Variants in KCND3 observed in about 807,000 individuals in gnomAD.
KCND3 encodes potassium voltage-gated channel subfamily D member 3.
KCND3 carries 9 observed loss-of-function variants against 51.1 expected under a neutral mutation model. The ratio of observed to expected loss-of-function variants is 0.18; its 90% CI spans 0.11 to 0.31. KCND3 has a LOEUF of 0.31. KCND3 is among the 10% of genes least tolerant of loss of function. The pLI is 1.00. For missense variants in KCND3, 526 were observed against 903.8 expected, an observed-to-expected ratio of 0.58 and a Z score of 5.36; for synonymous variants, 349 against 368.0, an observed-to-expected ratio of 0.95 and a Z score of 0.59.
intron 2 of KCND3, among the ~76,000 whole-genome samples, chr1:111,809,294 G>A (rs1321170997): frequency 7.0e-6 from 1 of 143,334 alleles, no homozygotes; most frequent in East Asian, 2.2e-4. Context: ...TGTTTCAACA[G>A]CGGAAGATTA....
At chr1:111,777,397 G>C in intron 6 of KCND3, 124 bp from the exon 7 acceptor site, 1 of 1,017,066 alleles carries the variant, frequency 9.8e-7, no homozygotes, top group Non-Finnish European at 1.5e-6. Context: ...CAGCTGCCCG[G>C]ATCACAGATA....
Position 111,982,560 on chromosome 1 carries a change from G to C in KCND3, c.167C>G (p.Thr56Ser), listed in dbSNP as rs775223510. 1.6e-5 allele frequency: 25 copies of C among 1,611,174 alleles called. No homozygotes were observed. Among genetic ancestry groups the C allele is most frequent in the Non-Finnish European group, 2.0e-5 (23 of 1,177,696 alleles). Reference sequence around the variant, plus strand: ...GGTGTCCGGGTAGCGCTCCAGCGTGGTCCTCCAGGTCTGGAACCTCCGCCC... The same window carrying C: ...GGTGTCCGGGTAGCGCTCCAGCGTGCTCCTCCAGGTCTGGAACCTCCGCCC... ...VSGRRFQTWR[T>S]TLERYPDTLL... is the part of the protein sequence containing the mutation. Residue 56 changes from threonine (T) to serine (S), a missense_variant, in exon 2 of 8, where the codon ACC becomes AGC. Physicochemically the swap from Thr to Ser is moderately conservative, Grantham distance 58. Coordinates refer to ENST00000302127, the MANE Select transcript of KCND3 (RefSeq NM_001378969.1). The surrounding 1 kb of genome is among the most constrained non-coding windows in gnomAD (Gnocchi z 8.5).
Position 111,893,903 on chromosome 1 carries a change from G to C in KCND3, c.1106+87718C>G, listed in dbSNP as rs146733987. Among the ~76,000 whole-genome samples, 469 of 152,256 alleles carry C rather than the reference G, an allele frequency of 3.1e-3. 5 individuals carry two copies. The highest frequency in any genetic ancestry group is 0.011 in the African/African-American group (448 of 41,530). Reference sequence around the variant, plus strand: ...AGGTTTGAGTTCCCTGCAGTTTGAGGGAGAGGGGAGGACAGAAGAGAAGAA... The same window carrying C: ...AGGTTTGAGTTCCCTGCAGTTTGAGCGAGAGGGGAGGACAGAAGAGAAGAA... On this transcript the variant is annotated intron_variant, in intron 2 of 7. Transcript: ENST00000302127.
Position 111,921,941 on chromosome 1 carries a change from T to C in KCND3, c.1106+59680A>G, listed in dbSNP as rs115979627. On this transcript the variant is annotated intron_variant, in intron 2 of 7. Coordinates refer to ENST00000302127, the MANE Select transcript of KCND3 (RefSeq NM_001378969.1). ...GATGCCTAAATATTAGCTATCCCAG[T>C]GGTAGGGATAACAAGAAAATGCTTA... Among the ~76,000 whole-genome samples the C allele has an allele frequency of 8.6e-3, 1,311 of 152,246 alleles. 10 individuals carry two copies. Among genetic ancestry groups the C allele is most frequent in the Non-Finnish European group, 0.015 (1,000 of 68,022 alleles).
chr1:111,829,175 C>A (rs1666716135), intron 2 of KCND3, among the ~76,000 whole-genome samples: 5 of 152,132 alleles, frequency 3.3e-5, no homozygotes, highest in Admixed American at 3.3e-4. Context: ...AGAGGACGAA[C>A]AATTATGTCT....
chr1:111,907,092 C>T (rs1339685290), intron 2 of KCND3, among the ~76,000 whole-genome samples: 2 of 152,192 alleles, frequency 1.3e-5, no homozygotes, highest in East Asian at 1.9e-4. Context: ...CCTGTTCCCT[C>T]GTGTTCAGCC....
At chr1:111,790,776 G>A (rs1031883048) in intron 2 of KCND3, among the ~76,000 whole-genome samples, 33 of 152,090 alleles carry the variant, frequency 2.2e-4, no homozygotes, top group Non-Finnish European at 1.6e-4. Flanking sequence ...TCTACTTTCC[G>A]TCTCTATAGA....
At chr1:111,940,189 A>G (rs976082168) in intron 2 of KCND3, among the ~76,000 whole-genome samples, 2 of 133,686 alleles carry the variant, frequency 1.5e-5, no homozygotes, top group African/African-American at 2.9e-5. Context: ...ATTCTTTCTG[A>G]TGATAGTTTT....
At chr1:111,806,119 G>T (rs1208159931) in intron 2 of KCND3, among the ~76,000 whole-genome samples, 1 of 152,148 alleles carries the variant, frequency 6.6e-6, no homozygotes, top group Non-Finnish European at 1.5e-5. Flanking sequence ...CAGATGCTGG[G>T]TCCTCACCTG....
intron 2 of KCND3, among the ~76,000 whole-genome samples, chr1:111,951,536 C>G (rs558605802): frequency 1.3e-5 from 2 of 152,272 alleles, no homozygotes; most frequent in East Asian, 3.9e-4. Context: ...ATGGGAACAA[C>G]TAAGGGATGA....
Position 111,876,922 on chromosome 1 carries a change from G to A in KCND3, c.1107-89816C>T, listed in dbSNP as rs148746306. On this transcript the variant is annotated intron_variant, in intron 2 of 7. Transcript: ENST00000302127. ...TCAAGCCTGGCTCCCAGGGACCTTC[G>A]GCATCGTTCTCTCTCCGGGTAGGAT... Among the ~76,000 whole-genome samples the A allele has an allele frequency of 7.2e-5, 11 of 152,270 alleles. No individual in the cohort carries two copies. The East Asian group carries it at 1.7e-3, about 24-fold the overall frequency.
chr1:111,891,615 C>T (rs1239673841), intron 2 of KCND3, among the ~76,000 whole-genome samples: 1 of 152,190 alleles, frequency 6.6e-6, no homozygotes, highest in Non-Finnish European at 1.5e-5. Flanking sequence ...CCATCTCCCT[C>T]TCTGCTTTAC....
chr1:111,894,226 C>T (rs2101770132), intron 2 of KCND3, among the ~76,000 whole-genome samples: 1 of 152,250 alleles, frequency 6.6e-6, no homozygotes, highest in Non-Finnish European at 1.5e-5. Context: ...CTCACGGCCT[C>T]CCTCCTTCTC....
intron 2 of KCND3, among the ~76,000 whole-genome samples, chr1:111,823,512 G>A (rs1666440321): frequency 6.6e-6 from 1 of 152,108 alleles, no homozygotes; most frequent in Admixed American, 6.5e-5. Flanking sequence ...CTCCTATTTT[G>A]AGCTTTAGTT....
chr1:111,870,615 A>G (rs1309966451), intron 2 of KCND3, among the ~76,000 whole-genome samples: 2 of 152,188 alleles, frequency 1.3e-5, no homozygotes, highest in Non-Finnish European at 2.9e-5. Context: ...ATCTGTGCAG[A>G]GGGAGCATCA....
chr1:111,930,749 G>C (rs751302979), intron 2 of KCND3, among the ~76,000 whole-genome samples: 1 of 152,116 alleles, frequency 6.6e-6, no homozygotes, highest in Non-Finnish European at 1.5e-5. Flanking sequence ...CTGAGTCTCA[G>C]TTTCTCCTCC....
chr1:111,878,564 G>C (rs1022610371), intron 2 of KCND3, among the ~76,000 whole-genome samples: 3 of 152,240 alleles, frequency 2.0e-5, no homozygotes, highest in African/African-American at 7.2e-5. Flanking sequence ...AGTGAAGAGA[G>C]GCACCCTCGT....
intron 2 of KCND3, among the ~76,000 whole-genome samples, chr1:111,850,409 C>T (rs1667760738): frequency 6.6e-6 from 1 of 152,160 alleles, no homozygotes; most frequent in Non-Finnish European, 1.5e-5. Flanking sequence ...GGCTGCTGTG[C>T]CATCTGGGGA....
chr1:111,940,095 TTG>T (rs1672438350), intron 2 of KCND3, among the ~76,000 whole-genome samples: 2 of 136,260 alleles, frequency 1.5e-5, no homozygotes, highest in Admixed American at 7.3e-5. Flanking sequence ...TTTTTTTTTT[TTG>T]TAAGTTCCTT....
Sources: allele counts gnomAD v4.1 joint callset (sites outside exome capture counted in the v4.1 genomes callset), GRCh38; gene constraint gnomAD v4.1.1; non-coding constraint Gnocchi (gnomAD v3.1); transcripts MANE v1.5; gene names NCBI Gene and HGNC (gene_info 2026-07-23, HGNC 2026-07-21).